Variants in MTFR1 observed in about 807,000 individuals in gnomAD.
The protein encoded by MTFR1 is chondrocyte protein with a poly-proline region.
Under a neutral mutation model 38.8 loss-of-function variants are expected in MTFR1, and 28 were observed. That is an observed-to-expected ratio of 0.72 (90% CI 0.53 to 0.99). The LOEUF is 0.99. Ranked by LOEUF, MTFR1 falls within the 50% of genes least tolerant of loss-of-function variation. MTFR1 has a pLI of 0.00. For synonymous variants in MTFR1, 145 were observed against 137.0 expected (o/e 1.06, Z -0.41); for missense variants, 358 against 395.5 (o/e 0.91, Z 0.81).
At position 65,669,855 on chromosome 8, in the gene MTFR1, T is replaced by G; in HGVS notation, c.-80-18T>G. 2.2e-6 allele frequency: 2 copies of G among 916,882 alleles called. No individual in the cohort carries two copies. The highest frequency in any genetic ancestry group is 3.5e-6 in the Non-Finnish European group (2 of 574,766). 56.8% of individuals were successfully genotyped at this position (916,882 alleles called of 1,614,324 possible). On this transcript the variant is annotated intron_variant, in intron 1 of 7. Transcript: ENST00000262146. Reference sequence around the variant, plus strand: ...ATAATAATGATTTCATTTTAGTATTTGCATTTTAAATTTTCAGTGTGTTTT... The same window carrying G: ...ATAATAATGATTTCATTTTAGTATTGGCATTTTAAATTTTCAGTGTGTTTT...
At chr8:65,730,628 T>C (rs961027205) in intron 3 of MTFR1, among the ~76,000 whole-genome samples, 2 of 151,820 alleles carry the variant, frequency 1.3e-5, no homozygotes, top group African/African-American at 4.8e-5. Flanking sequence ...GCTCTAGAGG[T>C]CTAAAAACAG....
chr8:65,664,772 G>T (rs116843393), intron 1 of MTFR1, among the ~76,000 whole-genome samples: 6,292 of 149,542 alleles, frequency 0.042, 192 homozygotes, highest in Non-Finnish European at 0.063. Flanking sequence ...ATTTTTTGTG[G>T]AGATGGGATT....
Position 65,737,814 on chromosome 8 carries a change from C to T in MTFR1, c.*48+18333C>T, listed in dbSNP as rs572112899. On this transcript the variant is annotated intron_variant, in intron 3 of 3. Transcript: ENST00000521247. The stretch of plus-strand genomic sequence containing the variant: ...GATTACAGGCGTGAGCCACCATGCC[C>T]AGCATGTATGAAATATTAAATGTCC... 6.6e-5 allele frequency among the ~76,000 whole-genome samples: 10 copies of T among 152,204 alleles called. No homozygotes were observed. In the East Asian group the frequency reaches 1.2e-3, roughly 18 times the overall value.
At chr8:65,700,490 C>T (rs1248138183) in intron 4 of MTFR1, among the ~76,000 whole-genome samples, 1 of 151,996 alleles carries the variant, frequency 6.6e-6, no homozygotes, top group African/African-American at 2.4e-5. Context: ...AGTAAGGCCT[C>T]ATTGTTTTTT....
At chr8:65,675,275 A>C (rs1421425089) in intron 2 of MTFR1, among the ~76,000 whole-genome samples, 1 of 141,350 alleles carries the variant, frequency 7.1e-6, no homozygotes, top group East Asian at 2.2e-4. Context: ...CCTGGGCGAC[A>C]GAGCAAGACT....
At chr8:65,696,297 TTC>T (rs1252241802) in intron 4 of MTFR1, among the ~76,000 whole-genome samples, 1 of 152,158 alleles carries the variant, frequency 6.6e-6, no homozygotes, top group East Asian at 1.9e-4. Flanking sequence ...TAAAGAGCCT[TTC>T]TTTTTTAAGA....
chr8:65,767,174 C>T (rs1808831587), intron 3 of MTFR1, among the ~76,000 whole-genome samples: 1 of 152,158 alleles, frequency 6.6e-6, no homozygotes, highest in Non-Finnish European at 1.5e-5. Flanking sequence ...ATTGCATGCA[C>T]AGCTTTGGGG....
intron 3 of MTFR1, among the ~76,000 whole-genome samples, chr8:65,686,091 G>A (rs894526915): frequency 4.6e-5 from 7 of 152,264 alleles, no homozygotes; most frequent in African/African-American, 1.7e-4. Context: ...TGCATACCTG[G>A]ATTAATATGT....
At chr8:65,671,492 G>A (rs976174444) in intron 2 of MTFR1, among the ~76,000 whole-genome samples, 7 of 149,098 alleles carry the variant, frequency 4.7e-5, no homozygotes, top group African/African-American at 1.5e-4. Context: ...CTGAGATTGT[G>A]CCACTGTACT....
At chr8:65,721,766 C>T (rs1806385458) in intron 3 of MTFR1, 1 of 151,114 alleles carries the variant, frequency 6.6e-6, no homozygotes, top group Non-Finnish European at 1.5e-5. Context: ...ACTACCGATT[C>T]ACCTGTCTTC....
intron 3 of MTFR1, among the ~76,000 whole-genome samples, chr8:65,747,334 AG>A (rs1166261162): frequency 4.6e-5 from 7 of 152,238 alleles, no homozygotes; most frequent in African/African-American, 1.4e-4. Flanking sequence ...TGATTAGATC[AG>A]GTAATCTCTA....
chr8:65,702,297 CTTT>C (rs530863447), intron 4 of MTFR1, among the ~76,000 whole-genome samples: 5 of 110,256 alleles, frequency 4.5e-5, no homozygotes, highest in African/African-American at 9.6e-5. Context: ...TTCTTTCTTT[CTTT>C]TTTTTTTTTT....
At chr8:65,645,129 C>T (rs894414265) in intron 1 of MTFR1, among the ~76,000 whole-genome samples, 2 of 152,216 alleles carry the variant, frequency 1.3e-5, no homozygotes, top group African/African-American at 4.8e-5. Flanking sequence ...CCCCCGGTTC[C>T]CGCGCCGGCC....
chr8:65,673,274 A>G (rs1198162607), intron 2 of MTFR1, among the ~76,000 whole-genome samples: 1 of 152,154 alleles, frequency 6.6e-6, no homozygotes, highest in Non-Finnish European at 1.5e-5. Flanking sequence ...AAAAACACAT[A>G]ACATTTATCG....
downstream of MTFR1, among the ~76,000 whole-genome samples, chr8:65,771,955 G>C (rs1809107788): frequency 6.6e-6 from 1 of 150,722 alleles, no homozygotes; most frequent in South Asian, 2.1e-4. Flanking sequence ...ATAACGGTTA[G>C]TTAGGAGAAT....
At chr8:65,734,749 G>A (rs913998941) in intron 3 of MTFR1, 5 of 1,073,826 alleles carry the variant, frequency 4.7e-6, no homozygotes, top group Middle Eastern at 2.0e-4. Flanking sequence ...AAATCAAAAG[G>A]AATTTTCTTA....
At chr8:65,684,584 C>T (rs1017345072) in intron 3 of MTFR1, among the ~76,000 whole-genome samples, 2 of 151,530 alleles carry the variant, frequency 1.3e-5, no homozygotes, top group Non-Finnish European at 2.9e-5. Flanking sequence ...GGGGTTTCTC[C>T]GTGTTGGCCA....
At chr8:65,693,397 G>A (rs1377768649) in intron 3 of MTFR1, among the ~76,000 whole-genome samples, 1 of 149,476 alleles carries the variant, frequency 6.7e-6, no homozygotes, top group East Asian at 2.0e-4. Context: ...GCTAGACTTT[G>A]TCTCAAAAAA....
chr8:65,708,924 G>T, intron 7 of MTFR1, 52 bp from the exon 8 acceptor site: 1 of 1,574,638 alleles, frequency 6.4e-7, no homozygotes, highest in East Asian at 2.2e-5. Flanking sequence ...GGGGCGTATC[G>T]TTACTGTTAC....
Sources: allele counts gnomAD v4.1 joint callset (sites outside exome capture counted in the v4.1 genomes callset), GRCh38; gene constraint gnomAD v4.1.1; transcripts MANE v1.5; gene names NCBI Gene and HGNC (gene_info 2026-07-23, HGNC 2026-07-21).